KDM5A: variants seen among roughly 807,000 people sequenced by gnomAD.
The protein encoded by KDM5A is lysine-specific demethylase 5A.
A neutral mutation model predicts 193.5 loss-of-function variants in KDM5A; 42 were observed. The observed-to-expected ratio is 0.22, with a 90% CI of 0.17 to 0.28. KDM5A has a LOEUF of 0.28. Ranked by LOEUF, KDM5A falls within the 10% of genes least tolerant of loss-of-function variation. KDM5A has a pLI of 1.00. For missense variants in KDM5A, 1,692 were observed against 2,055.1 expected (o/e 0.82, Z 3.42); for synonymous variants, 796 against 718.1 (o/e 1.11, Z -1.73).
rs896865145 is a variant in KDM5A at position 328,913 on chromosome 12, C to G, written c.1890G>C (p.Gly630=). 4.3e-6 allele frequency: 7 copies of G among 1,614,184 alleles called. No homozygotes were observed. Among genetic ancestry groups the G allele is most frequent in the Non-Finnish European group, 5.1e-6 (6 of 1,180,022 alleles). The part of the protein sequence containing the change: ...MAADPECLDV[G]LAAMVCKELT... ...ATTCTTTGCAGACCATGGCAGCCAGCCCCACATCTAAGCATTCTGGATCTG... is the reference window on the plus strand; with the variant it reads ...ATTCTTTGCAGACCATGGCAGCCAGGCCCACATCTAAGCATTCTGGATCTG... Residue 630 remains glycine (G), a synonymous_variant, in exon 14 of 28, where the codon GGG becomes GGC. Transcript: ENST00000399788.
chr12:343,442 A>T (rs1236031602), intron 10 of KDM5A, among the ~76,000 whole-genome samples: 1 of 152,198 alleles, frequency 6.6e-6, no homozygotes, highest in Non-Finnish European at 1.5e-5. Context: ...CTGAGAATGG[A>T]CAGACTGCCT....
intron 2 of KDM5A, among the ~76,000 whole-genome samples, 168 bp downstream of exon 2, chr12:385,727 GCA>G (rs1409623645): frequency 2.0e-5 from 3 of 152,118 alleles, no homozygotes; most frequent in African/African-American, 4.8e-5. Context: ...TAACAACTTT[GCA>G]CAGTTTTTAA....
chr12:308,391 AATAAG>A (rs1176205766), intron 22 of KDM5A, among the ~76,000 whole-genome samples: 9 of 152,214 alleles, frequency 5.9e-5, no homozygotes, highest in African/African-American at 9.6e-5. Flanking sequence ...TTACGGATTA[AATAAG>A]ATAACATATG....
intron 10 of KDM5A, among the ~76,000 whole-genome samples, chr12:341,094 A>G (rs1943998259): frequency 6.6e-6 from 1 of 152,224 alleles, no homozygotes; most frequent in Admixed American, 6.5e-5. Flanking sequence ...TGTGATCTGT[A>G]AAACCTCAGA....
chr12:348,742 C>T (rs1944111055), intron 10 of KDM5A, among the ~76,000 whole-genome samples: 1 of 151,468 alleles, frequency 6.6e-6, no homozygotes. Flanking sequence ...CGGGGAACAT[C>T]ACACACTGGG....
In KDM5A at chr12:389,132, G is replaced by A. The variant is rs371266729; in HGVS notation, c.-41C>T. ...GGGGGGGGGGTCCCCGTGGGGAACC[G>A]GTGGAGAAAAGCTGGCTGAAGCCCA... On this transcript the variant is annotated 5_prime_UTR_variant, in exon 1 of 28. Transcript: ENST00000399788. 2.8e-5 allele frequency: 45 copies of A among 1,587,606 alleles called. No individual in the cohort carries two copies. In the African/African-American group the frequency reaches 3.2e-4, roughly 11 times the overall value.
intron 5 of KDM5A, 90 bp from the exon 6 acceptor site, chr12:356,627 A>T: frequency 1.3e-6 from 1 of 778,816 alleles, no homozygotes; most frequent in Non-Finnish European, 2.2e-6. Context: ...ATCCTCTTCA[A>T]CACGGAAGAA....
At chr12:334,923 C>T (rs1012971602) in intron 10 of KDM5A, among the ~76,000 whole-genome samples, 2 of 151,876 alleles carry the variant, frequency 1.3e-5, no homozygotes, top group Non-Finnish European at 2.9e-5. Flanking sequence ...CCTAGAAATA[C>T]CGGATAAATT....
At chr12:383,012 G>A (rs1420645841) in intron 3 of KDM5A, among the ~76,000 whole-genome samples, 1 of 151,394 alleles carries the variant, frequency 6.6e-6, no homozygotes, top group Admixed American at 6.6e-5. Context: ...TTCACATTAG[G>A]GAATATAATG....
chr12:297,316 T>A lies in KDM5A; in HGVS notation c.4075-116A>T, dbSNP rs1943386133. 1.1e-5 allele frequency: 9 copies of A among 821,892 alleles called. No homozygotes were observed. In the South Asian group the frequency reaches 1.2e-4, roughly 11 times the overall value. 50.9% of individuals were successfully genotyped at this position (821,892 alleles called of 1,614,324 possible). A position where few individuals can be genotyped will look rare whatever the true frequency, so the allele number is the denominator to read the frequency against. On this transcript the variant is annotated intron_variant, in intron 24 of 27. Transcript: ENST00000399788. Reference sequence around the variant, plus strand: ...TTCTAATATACTAAAAATATGAGATTAAAATTAAATATCTGATGTTAAATA... The same window carrying A: ...TTCTAATATACTAAAAATATGAGATAAAAATTAAATATCTGATGTTAAATA...
chr12:353,042 C>A (rs1944182911), intron 8 of KDM5A, among the ~76,000 whole-genome samples: 1 of 152,092 alleles, frequency 6.6e-6, no homozygotes, highest in Non-Finnish European at 1.5e-5. Flanking sequence ...AAAATTGGGG[C>A]AAGCTAAAAG....
At chr12:323,819 A>T in intron 14 of KDM5A, 38 bp from the exon 15 acceptor site, 1 of 1,557,812 alleles carries the variant, frequency 6.4e-7, no homozygotes, top group Non-Finnish European at 8.9e-7. Flanking sequence ...AAGTCTTTCT[A>T]GTCTTTAAAG....
Position 309,724 on chromosome 12 carries a change from T to C in KDM5A, c.3378+79A>G, listed in dbSNP as rs966580216. 4.1e-6 allele frequency: 6 copies of C among 1,466,752 alleles called. No homozygotes were observed. In the African/African-American group the frequency reaches 8.4e-5, roughly 20 times the overall value. The allele number at this position is 1,466,752 out of a possible 1,614,324, so 90.9% of individuals were successfully genotyped here. A position where few individuals can be genotyped will look rare whatever the true frequency, so the allele number is the denominator to read the frequency against. ...ATATGAAAATAAAAAGTTAAAAACATAAAAACTGTGAGTCTGCTAATATCT... is the reference window on the plus strand; with the variant it reads ...ATATGAAAATAAAAAGTTAAAAACACAAAAACTGTGAGTCTGCTAATATCT... On this transcript the variant is annotated intron_variant, in intron 22 of 27. Coordinates refer to ENST00000399788, the MANE Select transcript of KDM5A (RefSeq NM_001042603.3).
intron 10 of KDM5A, among the ~76,000 whole-genome samples, chr12:345,331 C>A (rs1944057568): frequency 6.6e-6 from 1 of 152,162 alleles, no homozygotes; most frequent in African/African-American, 2.4e-5. Context: ...GAAACTTTAA[C>A]AACCCACTGT....
At chr12:383,654 AT>A (rs1207345494) in intron 3 of KDM5A, among the ~76,000 whole-genome samples, 1 of 152,208 alleles carries the variant, frequency 6.6e-6, no homozygotes, top group Non-Finnish European at 1.5e-5. Context: ...AAATATTAAT[AT>A]TTAGTAATTA....
At chr12:332,674 G>A (rs1049854585) in intron 12 of KDM5A, among the ~76,000 whole-genome samples, 2 of 152,126 alleles carry the variant, frequency 1.3e-5, no homozygotes, top group African/African-American at 4.8e-5. Context: ...ATCTTTACAT[G>A]AGAAAATAAG....
In KDM5A at chr12:385,565, A is replaced by C. The variant is rs557592786; in HGVS notation, c.243+332T>G. Among the ~76,000 whole-genome samples the C allele has an allele frequency of 3.7e-4, 56 of 152,318 alleles. 1 individual carries two copies. The South Asian group carries it at 0.011, about 30-fold the overall frequency. ...AACTAGGGTTTTAAAATAGGATTTAAAAATCCATTTTCCAAGAACCGAGGG... is the reference window on the plus strand; with the variant it reads ...AACTAGGGTTTTAAAATAGGATTTACAAATCCATTTTCCAAGAACCGAGGG... On this transcript the variant is annotated intron_variant, in intron 2 of 27. Transcript: ENST00000399788.
intron 14 of KDM5A, 60 bp downstream of exon 14, chr12:328,775 G>T (rs1440853679): frequency 3.4e-6 from 5 of 1,490,824 alleles, no homozygotes; most frequent in Non-Finnish European, 4.7e-6. Context: ...CTACCTATAG[G>T]TTTATTTAGC....
At chr12:323,240 G>GAAAAAA in intron 15 of KDM5A, 34 bp from the exon 16 acceptor site, 1 of 1,088,026 alleles carries the variant, frequency 9.2e-7, no homozygotes, top group South Asian at 2.0e-5. Context: ...AAAAAAAAAA[G>GAAAAAA]AAAACAGAAA....
Sources: gnomAD v4.1 joint callset for allele counts (sites outside exome capture counted in the v4.1 genomes callset) on GRCh38, gnomAD v4.1.1 for gene constraint, MANE v1.5 for transcripts, NCBI Gene and HGNC (gene_info 2026-07-23, HGNC 2026-07-21) for gene names.